The following UNC5C variants were observed in gnomAD, a reference collection of about 807,000 sequenced individuals.
The protein encoded by UNC5C is unc-5 netrin receptor C, also known as netrin receptor UNC5C.
In UNC5C, 47 loss-of-function variants were observed where a neutral mutation model predicts 99.8. That is an observed-to-expected ratio of 0.47 (90% CI 0.37 to 0.60). The LOEUF (loss-of-function observed/expected upper bound fraction) is 0.60, where lower values mean the gene tolerates loss of function less well. Ranked by LOEUF, UNC5C falls within the 20% of genes least tolerant of loss-of-function variation. UNC5C has a pLI of 0.00. For synonymous variants in UNC5C, 487 were observed against 452.2 expected (o/e 1.08, Z -0.98); for missense variants, 1,062 against 1,165.9 (o/e 0.91, Z 1.30).
intron 2 of UNC5C, among the ~76,000 whole-genome samples, chr4:95,320,029 G>A (rs17433952): frequency 0.021 from 3,128 of 152,168 alleles, 53 homozygotes; most frequent in Non-Finnish European, 0.031. Context: ...TTTTGGAAGC[G>A]GACCATCTCT....
intron 1 of UNC5C, among the ~76,000 whole-genome samples, chr4:95,434,191 T>C (rs1327026218): frequency 2.0e-5 from 3 of 152,098 alleles, no homozygotes; most frequent in Non-Finnish European, 2.9e-5. Flanking sequence ...CAGATAGCAG[T>C]TGACTGAATG....
intron 1 of UNC5C, among the ~76,000 whole-genome samples, chr4:95,342,228 G>A (rs903602510): frequency 2.0e-5 from 3 of 152,100 alleles, no homozygotes; most frequent in African/African-American, 7.2e-5. Context: ...TGGGCAGCAT[G>A]GCTGACAGCT....
chr4:95,541,667 A>T (rs1722924949), intron 1 of UNC5C, among the ~76,000 whole-genome samples: 1 of 151,874 alleles, frequency 6.6e-6, no homozygotes, highest in African/African-American at 2.4e-5. Flanking sequence ...AGTTTTTTTA[A>T]TTTTGAGAAA....
chr4:95,382,631 T>C (rs1161051563), intron 1 of UNC5C, among the ~76,000 whole-genome samples: 2 of 152,106 alleles, frequency 1.3e-5, no homozygotes, highest in Non-Finnish European at 2.9e-5. Context: ...GAAGGCATAA[T>C]TGACCCATCC....
rs1053812129 is a variant in UNC5C, at chr4:95,274,715, C to T, written c.594+3544G>A. Among the ~76,000 whole-genome samples the T allele has an allele frequency of 5.9e-5, 9 of 151,894 alleles. No homozygotes were observed. The East Asian group carries it at 1.7e-3, about 29-fold the overall frequency. ...CCTGAGTTGATAAGGACTGAATGAA[C>T]AATAGTAGCTTTAAAGATCAGGGTA... On this transcript the variant is annotated intron_variant, in intron 4 of 15. Transcript: ENST00000453304.
chr4:95,192,223 C>G (rs1176037782), intron 12 of UNC5C, among the ~76,000 whole-genome samples: 1 of 144,660 alleles, frequency 6.9e-6, no homozygotes, highest in African/African-American at 2.6e-5. Context: ...TTTGCTCGCC[C>G]TCCTCTGCTC....
In UNC5C at chr4:95,222,378, C is replaced by G. The variant is rs188768089; in HGVS notation, c.1109-2202G>C. 28 of 619,618 alleles carry G rather than the reference C, an allele frequency of 4.5e-5. No individual in the cohort carries two copies. In the East Asian group the frequency reaches 7.9e-4, roughly 18 times the overall value. The allele number at this position is 619,618 out of a possible 1,614,324, so 38.4% of individuals were successfully genotyped here. A position where few individuals can be genotyped will look rare whatever the true frequency, so the allele number is the denominator to read the frequency against. On this transcript the variant is annotated intron_variant, in intron 7 of 15. Transcript: ENST00000453304. The stretch of plus-strand genomic sequence containing the variant: ...ATTAAAAGGAAAAGAAACCTGTGGT[C>G]TTTTAAAATTCTGATTCAGTATAAA...
chr4:95,234,112 G>GTC (rs962167556), intron 7 of UNC5C, among the ~76,000 whole-genome samples: 7 of 151,874 alleles, frequency 4.6e-5, no homozygotes, highest in African/African-American at 7.3e-5. Context: ...TGTTCTCTGT[G>GTC]TCTCTCTCTC....
intron 3 of UNC5C, among the ~76,000 whole-genome samples, chr4:95,292,574 G>C (rs1236014706): frequency 4.6e-5 from 7 of 152,062 alleles, no homozygotes; most frequent in Non-Finnish European, 1.0e-4. Context: ...TTCTAAGGGG[G>C]TGAGGGGGTA....
intron 1 of UNC5C, among the ~76,000 whole-genome samples, chr4:95,352,967 G>A (rs1744042337): frequency 6.6e-6 from 1 of 152,012 alleles, no homozygotes; most frequent in South Asian, 2.1e-4. Flanking sequence ...CACACAACAT[G>A]GCCCAAAGCT....
intron 1 of UNC5C, among the ~76,000 whole-genome samples, chr4:95,450,503 G>A (rs1176358203): frequency 6.6e-6 from 1 of 152,206 alleles, no homozygotes; most frequent in Non-Finnish European, 1.5e-5. Context: ...ACTGCACCTG[G>A]CCTTGGTGGT....
rs147819209 is a variant in UNC5C at position 95,224,174 on chromosome 4, T to G, written c.1109-3998A>C. Among the ~76,000 whole-genome samples, 426 of 152,266 alleles carry G rather than the reference T, an allele frequency of 2.8e-3. 2 individuals carry two copies. The highest frequency in any genetic ancestry group is 5.2e-3 in the Admixed American group (80 of 15,288). ...GGCGCGTGCCTGTGATCCCGGCTACTCAGGAGGCTGAGGTGGGAGCATCAC... is the reference window on the plus strand; with the variant it reads ...GGCGCGTGCCTGTGATCCCGGCTACGCAGGAGGCTGAGGTGGGAGCATCAC... On this transcript the variant is annotated intron_variant, in intron 7 of 15. Coordinates refer to ENST00000453304, the MANE Select transcript of UNC5C (RefSeq NM_003728.4).
Position 95,262,626 on chromosome 4 carries a change from T to A in UNC5C, c.595-11959A>T, listed in dbSNP as rs77801818. ...AAACTTGTAGTACATTTGGGTTTTT[T>A]AAAAAAAATTAACAATTTGATCCCT... is the stretch of plus-strand genomic sequence containing the variant. On this transcript the variant is annotated intron_variant, in intron 4 of 15. Coordinates refer to ENST00000453304, the MANE Select transcript of UNC5C (RefSeq NM_003728.4). Among the ~76,000 whole-genome samples the A allele has an allele frequency of 9.9e-3, 1,499 of 152,082 alleles. 31 individuals are homozygous for A. The highest frequency in any genetic ancestry group is 0.096 in the East Asian group (495 of 5,168).
Position 95,444,707 on chromosome 4 carries a change from A to G in UNC5C, c.124+104027T>C, listed in dbSNP as rs2149464828. Among the ~76,000 whole-genome samples, 2 of 152,264 alleles carry G rather than the reference A, an allele frequency of 1.3e-5. 1 individual carries two copies. Among genetic ancestry groups the G allele is most frequent in the African/African-American group, 4.8e-5 (2 of 41,556 alleles). On this transcript the variant is annotated intron_variant, in intron 1 of 15. Transcript: ENST00000453304. ...AAAGTACCGTAGGTACAACACAGTA[A>G]AACAGTCCTCAGAACTGGAGGAGCA...
intron 12 of UNC5C, among the ~76,000 whole-genome samples, chr4:95,186,051 A>G (rs1455615310): frequency 1.3e-5 from 2 of 152,190 alleles, no homozygotes; most frequent in African/African-American, 4.8e-5. Context: ...AGCATTTCCA[A>G]CTGCAGCTGT....
chr4:95,202,985 G>A, intron 11 of UNC5C, 21 bp from the exon 12 acceptor site: 5 of 1,612,814 alleles, frequency 3.1e-6, no homozygotes, highest in Non-Finnish European at 3.4e-6. Flanking sequence ...AGAGGGAAGG[G>A]CCATGGCTAA....
chr4:95,456,774 C>A (rs1262255056), intron 1 of UNC5C, among the ~76,000 whole-genome samples: 1 of 152,088 alleles, frequency 6.6e-6, no homozygotes, highest in African/African-American at 2.4e-5. Context: ...GCATAGAACA[C>A]ATTCATTGAT....
chr4:95,386,041 C>T (rs964311922), intron 1 of UNC5C, among the ~76,000 whole-genome samples: 1 of 152,136 alleles, frequency 6.6e-6, no homozygotes, highest in Non-Finnish European at 1.5e-5. Flanking sequence ...ACTACTACTG[C>T]TGGTACCCAT....
At chr4:95,471,316 T>G (rs1258931948) in intron 1 of UNC5C, among the ~76,000 whole-genome samples, 1 of 152,130 alleles carries the variant, frequency 6.6e-6, no homozygotes, top group Non-Finnish European at 1.5e-5. Flanking sequence ...CATGTAAGTG[T>G]ACCAACATGT....
Sources: gnomAD v4.1 joint callset for allele counts (sites outside exome capture counted in the v4.1 genomes callset) on GRCh38, gnomAD v4.1.1 for gene constraint, MANE v1.5 for transcripts, NCBI Gene and HGNC (gene_info 2026-07-23, HGNC 2026-07-21) for gene names.